TTC28: variants seen among roughly 807,000 people sequenced by gnomAD.
The protein encoded by TTC28 is tetratricopeptide repeat domain 28.
A neutral mutation model predicts 198.0 loss-of-function variants in TTC28; 61 were observed. The ratio of observed to expected loss-of-function variants is 0.31; its 90% CI spans 0.25 to 0.38. The LOEUF is 0.38. Among genes scored for constraint, TTC28 ranks in the 10% least tolerant of loss-of-function variants. The pLI, the probability that TTC28 is intolerant of heterozygous loss-of-function variation, is 1.00. For synonymous variants in TTC28, 1,171 were observed against 1,297.8 expected, an observed-to-expected ratio of 0.90 and a Z score of 2.10; for missense variants, 2,678 against 3,164.0, an observed-to-expected ratio of 0.85 and a Z score of 3.69.
intron 5 of TTC28, among the ~76,000 whole-genome samples, chr22:28,192,358 T>G (rs931064987): frequency 6.6e-6 from 1 of 152,122 alleles, no homozygotes; most frequent in Non-Finnish European, 1.5e-5. Context: ...GCAGAAGAAC[T>G]GGAAACTCTA....
intron 5 of TTC28, among the ~76,000 whole-genome samples, chr22:28,186,093 G>T (rs1280527332): frequency 6.6e-6 from 1 of 152,074 alleles, no homozygotes; most frequent in Non-Finnish European, 1.5e-5. Flanking sequence ...AAATGGTATT[G>T]TCAAATCCTA....
chr22:28,521,665 G>A (rs1192529166), intron 2 of TTC28, among the ~76,000 whole-genome samples: 1 of 152,160 alleles, frequency 6.6e-6, no homozygotes, highest in Non-Finnish European at 1.5e-5. Context: ...CTTGGGGATA[G>A]TAAGACAAAA....
At chr22:28,365,758 T>G (rs911012015) in intron 2 of TTC28, among the ~76,000 whole-genome samples, 7 of 152,220 alleles carry the variant, frequency 4.6e-5, no homozygotes, top group Admixed American at 2.6e-4. Context: ...TCCTTTTAAT[T>G]TGAATTTATT....
In TTC28 at chr22:28,340,921, C is replaced by T. The variant is rs141292053; in HGVS notation, c.382-34278G>A. 1.2e-4 allele frequency among the ~76,000 whole-genome samples: 18 copies of T among 152,328 alleles called. No homozygotes were observed. In the East Asian group the frequency reaches 3.3e-3, roughly 28 times the overall value. ...ATTTTACATTTTAATATATGCTCCA[C>T]ATTGGTTGTTGCTCAGATGCCTTTT... On this transcript the variant is annotated intron_variant, in intron 2 of 22. Coordinates refer to ENST00000397906, the MANE Select transcript of TTC28 (RefSeq NM_001145418.2).
At chr22:28,386,183 G>C (rs2046582772) in intron 2 of TTC28, among the ~76,000 whole-genome samples, 1 of 146,576 alleles carries the variant, frequency 6.8e-6, no homozygotes, top group African/African-American at 2.5e-5. Flanking sequence ...GCTGAGGCAG[G>C]AGAATGGCGT....
intron 2 of TTC28, among the ~76,000 whole-genome samples, chr22:28,406,777 C>T (rs1385322900): frequency 6.6e-6 from 1 of 152,176 alleles, no homozygotes; most frequent in Non-Finnish European, 1.5e-5. Context: ...TTAACAGACC[C>T]TCCTCTTAGA....
At chr22:28,320,458 C>T (rs147491630) in intron 2 of TTC28, among the ~76,000 whole-genome samples, 44 of 152,230 alleles carry the variant, frequency 2.9e-4, no homozygotes, top group Admixed American at 2.0e-3. Context: ...AATTGTACTT[C>T]GGGATTCCCG....
intron 2 of TTC28, among the ~76,000 whole-genome samples, chr22:28,473,931 T>C (rs2048129754): frequency 6.6e-6 from 1 of 152,234 alleles, no homozygotes; most frequent in African/African-American, 2.4e-5. Flanking sequence ...CACCATGTCC[T>C]GGTCTCCTAT....
At chr22:28,422,069 G>T (rs1200108716) in intron 2 of TTC28, among the ~76,000 whole-genome samples, 1 of 152,134 alleles carries the variant, frequency 6.6e-6, no homozygotes, top group Non-Finnish European at 1.5e-5. Context: ...AAAAATTCCA[G>T]TGATAATTGT....
At chr22:28,635,863 T>C (rs1374720567) in intron 1 of TTC28, among the ~76,000 whole-genome samples, 1 of 152,098 alleles carries the variant, frequency 6.6e-6, no homozygotes, top group South Asian at 2.1e-4. Flanking sequence ...GTATATAATA[T>C]ATTAACTACA....
At chr22:28,562,552 A>T (rs925525749) in intron 2 of TTC28, among the ~76,000 whole-genome samples, 1 of 152,186 alleles carries the variant, frequency 6.6e-6, no homozygotes, top group East Asian at 1.9e-4. Flanking sequence ...AGTAAACAAG[A>T]ATGAGCATGT....
intron 1 of TTC28, among the ~76,000 whole-genome samples, chr22:28,660,907 G>GA (rs199918934): frequency 2.5e-3 from 368 of 149,772 alleles, no homozygotes; most frequent in African/African-American, 8.4e-3. Flanking sequence ...CTGAGAAAAG[G>GA]AAAAAAAAAA....
At chr22:28,162,855 T>G (rs1921376423) in intron 6 of TTC28, among the ~76,000 whole-genome samples, 1 of 152,064 alleles carries the variant, frequency 6.6e-6, no homozygotes, top group Non-Finnish European at 1.5e-5. Context: ...GAGGCTGAGG[T>G]GGGAAGATCA....
chr22:28,544,633 C>CGG (rs1198209228), intron 2 of TTC28, among the ~76,000 whole-genome samples: 6 of 152,236 alleles, frequency 3.9e-5, no homozygotes, highest in African/African-American at 1.4e-4. Flanking sequence ...GCACAAGACA[C>CGG]GGATCACAAA....
chr22:28,679,645 C>G lies in TTC28; in HGVS notation c.79G>C (p.Glu27Gln). The change falls in exon 1 of 23, where the codon GAG (glutamate) becomes CAG (glutamine). Residue 27 changes from glutamate to glutamine, a missense_variant. By Grantham distance (29) the Glu-to-Gln change is conservative. This residue lies in a region of TTC28 where 22 missense variants were observed against 55.0 expected (regional missense o/e 0.40). Coordinates refer to ENST00000397906, the MANE Select transcript of TTC28 (RefSeq NM_001145418.2). ...PARSRRRREP[E>Q]SPPASAPIPL... ...ACCGGCGCCGACGCCGGCGGCGACT[C>G]TGGCTCCCGCCGCCTTCGGCTCCTT... 1 of 1,452,392 alleles carries G rather than the reference C, an allele frequency of 6.9e-7. No individual in the cohort carries two copies. The highest frequency in any genetic ancestry group is 9.0e-7 in the Non-Finnish European group (1 of 1,107,262). The allele number at this position is 1,452,392 out of a possible 1,614,324, so 90.0% of individuals were successfully genotyped here.
In TTC28 at chr22:27,995,153, G is replaced by A. The variant is rs376354972; in HGVS notation, c.5244+982C>T. On this transcript the variant is annotated intron_variant, in intron 17 of 22. Coordinates refer to ENST00000397906, the MANE Select transcript of TTC28 (RefSeq NM_001145418.2). ...AGGGCCCTGTTCAGGCCCAACCCAC[G>A]GGCAAGAAGTTTGCATGGCCCAGGA... 2.3e-3 allele frequency among the ~76,000 whole-genome samples: 344 copies of A among 152,296 alleles called. 2 individuals carry two copies. The highest frequency in any genetic ancestry group is 4.1e-3 in the Non-Finnish European group (277 of 68,018).
intron 12 of TTC28, among the ~76,000 whole-genome samples, chr22:28,049,680 G>A (rs746400810): frequency 1.3e-5 from 2 of 152,066 alleles, no homozygotes; most frequent in Non-Finnish European, 2.9e-5. Context: ...AATGTGAGGT[G>A]GTAAGCATAT....
At chr22:28,669,179 C>A in intron 1 of TTC28, among the ~76,000 whole-genome samples, 1 of 130,824 alleles carries the variant, frequency 7.6e-6, no homozygotes. Context: ...GGAGGGATAG[C>A]ATTGGGAGAT....
intron 2 of TTC28, among the ~76,000 whole-genome samples, chr22:28,319,884 T>A (rs2045416533): frequency 6.6e-6 from 1 of 152,208 alleles, no homozygotes; most frequent in Admixed American, 6.6e-5. Context: ...TATCTCAGTG[T>A]ATATCTACTT....
Sources: gnomAD v4.1 joint callset for allele counts (sites outside exome capture counted in the v4.1 genomes callset) on GRCh38, gnomAD v4.1.1 for gene constraint, gnomAD v4.1.1 regional missense constraint, MANE v1.5 for transcripts, NCBI Gene and HGNC (gene_info 2026-07-23, HGNC 2026-07-21) for gene names.